PCDHGA1: variants seen among roughly 807,000 people sequenced by gnomAD.
The protein encoded by PCDHGA1 is protocadherin gamma subfamily A, 1.
PCDHGA1 carries 32 observed loss-of-function variants against 58.0 expected under a neutral mutation model. The ratio of observed to expected loss-of-function variants is 0.55; its 90% CI spans 0.42 to 0.74. The LOEUF is 0.74. Among genes scored for constraint, PCDHGA1 ranks in the 30% least tolerant of loss-of-function variants. PCDHGA1 has a pLI of 0.00. For synonymous variants in PCDHGA1, 498 were observed against 501.1 expected, an observed-to-expected ratio of 0.99 and a Z score of 0.08; for missense variants, 1,205 against 1,182.3, an observed-to-expected ratio of 1.02 and a Z score of -0.28.
chr5:141,458,394 T>A (rs2098944697), intron 1 of PCDHGA1, among the ~76,000 whole-genome samples: 1 of 152,062 alleles, frequency 6.6e-6, no homozygotes, highest in African/African-American at 2.4e-5. Context: ...ACGCTCCCCC[T>A]TGCAGAGACG....
intron 1 of PCDHGA1, chr5:141,440,160 G>A (rs568136682): frequency 6.6e-6 from 1 of 152,324 alleles, no homozygotes; most frequent in East Asian, 1.9e-4. Flanking sequence ...ATTATAGCTT[G>A]GGCCATAACG....
chr5:141,352,746 TAACC>T (rs1759100754), intron 1 of PCDHGA1: 2 of 1,439,708 alleles, frequency 1.4e-6, no homozygotes, highest in South Asian at 2.6e-5. Context: ...TCCCAGCACT[TAACC>T]AGGCTGAGGC....
intron 1 of PCDHGA1, among the ~76,000 whole-genome samples, chr5:141,464,984 C>T (rs1345385418): frequency 1.3e-5 from 2 of 152,034 alleles, no homozygotes; most frequent in Non-Finnish European, 2.9e-5. Flanking sequence ...TCAAGTGATC[C>T]TCCCACCTCA....
rs774089617 is a variant in PCDHGA1 at position 141,332,839 on chromosome 5, T to C, written c.2155T>C (p.Trp719Arg). 2.5e-6 allele frequency: 4 copies of C among 1,614,206 alleles called. No homozygotes were observed. The South Asian group carries it at 3.3e-5, about 13-fold the overall frequency. Reference sequence around the variant, plus strand: ...GCTGCTGGCGCACAGGCTGCGGCGCTGGCACAAGTCACGTCTGCTACAGGC... The same window carrying C: ...GCTGCTGGCGCACAGGCTGCGGCGCCGGCACAAGTCACGTCTGCTACAGGC... ...IVLLAHRLRR[W>R]HKSRLLQASG... Residue 719 changes from tryptophan (W) to arginine (R), a missense_variant, in exon 1 of 4, where the codon TGG becomes CGG. Transcript: ENST00000517417. This position sits in a 1 kb window ranked among gnomAD's most constrained non-coding sequence, Gnocchi z 4.6.
At position 141,378,204 on chromosome 5, in the gene PCDHGA1, T is replaced by C. The variant is rs1335712124; in HGVS notation, c.2421+45099T>C. On this transcript the variant is annotated intron_variant, in intron 1 of 3. Coordinates refer to ENST00000517417, the MANE Select transcript of PCDHGA1 (RefSeq NM_018912.3). ...TGCTGTGTGCCTACTACAGTGTCTT[T>C]TGCATACTGTGTGCCTGATAGTATT... The C allele has an allele frequency of 1.4e-4, 22 of 152,240 alleles. 1 individual carries two copies. Among genetic ancestry groups the C allele is most frequent in the Admixed American group, 1.4e-3 (22 of 15,288 alleles). The allele number at this position is 152,240 out of a possible 1,614,324, so 9.4% of individuals were successfully genotyped here.
intron 1 of PCDHGA1, chr5:141,352,345 C>T: frequency 6.2e-7 from 1 of 1,614,090 alleles, no homozygotes; most frequent in Admixed American, 1.7e-5. Flanking sequence ...TGGCCTTGAT[C>T]TCAGTGCTCT....
chr5:141,389,248 A>G (rs757462176), intron 1 of PCDHGA1: 45 of 1,613,918 alleles, frequency 2.8e-5, no homozygotes, highest in African/African-American at 6.7e-5. Flanking sequence ...CAGTCTTCCT[A>G]TATAGTCCAC....
At chr5:141,394,122 C>G in intron 1 of PCDHGA1, 1 of 1,613,944 alleles carries the variant, frequency 6.2e-7, no homozygotes, top group Middle Eastern at 1.6e-4. Context: ...CACTGAAACT[C>G]AAATCGCTCT....
At chr5:141,394,790 G>T (rs776824024) in intron 1 of PCDHGA1, 1 of 1,613,718 alleles carries the variant, frequency 6.2e-7, no homozygotes, top group Non-Finnish European at 8.5e-7. Context: ...CCACTGTCAC[G>T]CTCACCGTAG....
chr5:141,485,995 T>G lies in PCDHGA1; in HGVS notation c.2422-8812T>G. 1 of 1,614,176 alleles carries G rather than the reference T, an allele frequency of 6.2e-7. No individual in the cohort carries two copies. On this transcript the variant is annotated intron_variant, in intron 1 of 3. Transcript: ENST00000517417. The surrounding 1 kb of genome is among the most constrained non-coding windows in gnomAD (Gnocchi z 5.7). ...CCTCAGACCCGGACCTGGGTCCCAG[T>G]GGTAACGTCACCTTTTATTTCAGTG...
At chr5:141,504,785 G>A (rs1439244687) in intron 2 of PCDHGA1, among the ~76,000 whole-genome samples, 1 of 151,964 alleles carries the variant, frequency 6.6e-6, no homozygotes, top group East Asian at 1.9e-4. Context: ...GTCTCTTGGG[G>A]CCTCCTACAT....
intron 1 of PCDHGA1, among the ~76,000 whole-genome samples, chr5:141,455,594 G>A (rs1263100982): frequency 6.6e-6 from 1 of 152,112 alleles, no homozygotes; most frequent in Non-Finnish European, 1.5e-5. Context: ...ATATGCAAAC[G>A]TAGGGCGCCA....
chr5:141,371,355 G>T (rs369960328), intron 1 of PCDHGA1: 6 of 1,613,974 alleles, frequency 3.7e-6, no homozygotes, highest in Non-Finnish European at 3.4e-6. Flanking sequence ...TGGGGTGGAA[G>T]CAAAGGATGG....
intron 1 of PCDHGA1, among the ~76,000 whole-genome samples, chr5:141,336,794 T>G (rs540128770): frequency 1.2e-3 from 187 of 152,306 alleles, no homozygotes; most frequent in African/African-American, 4.4e-3. Flanking sequence ...ATACTGGACT[T>G]TATCACAGTT....
At chr5:141,417,710 T>A in intron 1 of PCDHGA1, 2 of 1,249,348 alleles carry the variant, frequency 1.6e-6, no homozygotes, top group Admixed American at 5.9e-5. Context: ...ACACAGAGGC[T>A]CCCGGCTGCG....
chr5:141,423,746 T>G, intron 1 of PCDHGA1: 2 of 384,794 alleles, frequency 5.2e-6, no homozygotes, highest in Non-Finnish European at 6.6e-6. Flanking sequence ...TTATGAAAAC[T>G]GTTTGGGGGG....
At chr5:141,388,639 C>T (rs2091432130) in intron 1 of PCDHGA1, 1 of 1,613,944 alleles carries the variant, frequency 6.2e-7, no homozygotes, top group Non-Finnish European at 8.5e-7. Context: ...GTGAGCCTTT[C>T]AGAAAACGTG....
chr5:141,492,079 G>C (rs1400390407), intron 1 of PCDHGA1: 3 of 486,286 alleles, frequency 6.2e-6, no homozygotes, highest in South Asian at 4.1e-5. Flanking sequence ...CGCCGGCTCC[G>C]GCACGCTTCG....
At chr5:141,343,355 G>C in intron 1 of PCDHGA1, 1 of 981,456 alleles carries the variant, frequency 1.0e-6, no homozygotes, top group African/African-American at 1.7e-5. Flanking sequence ...CTCTTAGAGA[G>C]TTAAGAGTAT....
Sources: allele counts gnomAD v4.1 joint callset (sites outside exome capture counted in the v4.1 genomes callset), GRCh38; gene constraint gnomAD v4.1.1; non-coding constraint Gnocchi (gnomAD v3.1); transcripts MANE v1.5; gene names NCBI Gene and HGNC (gene_info 2026-07-23, HGNC 2026-07-21).